POFUT2: variants seen among roughly 807,000 people sequenced by gnomAD.
POFUT2 encodes protein O-fucosyltransferase 2.
POFUT2 carries 30 observed loss-of-function variants against 55.0 expected under a neutral mutation model. The ratio of observed to expected loss-of-function variants is 0.55; its 90% CI spans 0.41 to 0.74. The LOEUF (loss-of-function observed/expected upper bound fraction) is 0.74, where lower values mean the gene tolerates loss of function less well. Among genes scored for constraint, POFUT2 ranks in the 30% least tolerant of loss-of-function variants. The pLI is 0.00. For synonymous variants in POFUT2, 267 were observed against 231.1 expected (o/e 1.16, Z -1.41); for missense variants, 524 against 562.6 (o/e 0.93, Z 0.69).
intron 3 of POFUT2, among the ~76,000 whole-genome samples, chr21:45,283,158 C>T (rs1292766929): frequency 6.7e-6 from 1 of 150,102 alleles, no homozygotes; most frequent in Non-Finnish European, 1.5e-5. Context: ...CATCAGCAAC[C>T]AGCATGGGCA....
Position 45,284,010 on chromosome 21 carries a change from G to A in POFUT2, c.383-483C>T, listed in dbSNP as rs2031085166. The stretch of plus-strand genomic sequence containing the variant: ...CGGGGACAGAGGCTCAGGTGAGCAG[G>A]AGTCGTGCCTCTTACCCACGGCCCG... On this transcript the variant is annotated intron_variant, in intron 2 of 8. Coordinates refer to ENST00000349485, the MANE Select transcript of POFUT2 (RefSeq NM_133635.6). The surrounding 1 kb of genome is among the most constrained non-coding windows in gnomAD (Gnocchi z 5.8). Among the ~76,000 whole-genome samples, 1 of 152,188 alleles carries A rather than the reference G, an allele frequency of 6.6e-6. No individual in the cohort carries two copies. The highest frequency in any genetic ancestry group is 2.4e-5 in the African/African-American group (1 of 41,442).
At position 45,265,386 on chromosome 21, in the gene POFUT2, C is replaced by A. The variant is rs527441350; in HGVS notation, c.*96G>T. Reference sequence around the variant, plus strand: ...CCTGCGAGGGACGGTCCTGTCCGCCCAGCTCCCGGCTGGCAGTAGACGGTG... The same window carrying A: ...CCTGCGAGGGACGGTCCTGTCCGCCAAGCTCCCGGCTGGCAGTAGACGGTG... On this transcript the variant is annotated 3_prime_UTR_variant, in exon 9 of 9. Transcript: ENST00000349485. The surrounding 1 kb of genome is among the most constrained non-coding windows in gnomAD (Gnocchi z 4.6). 4.2e-6 allele frequency: 5 copies of A among 1,183,492 alleles called. No homozygotes were observed. The South Asian group carries it at 7.3e-5, about 17-fold the overall frequency. The allele number at this position is 1,183,492 out of a possible 1,614,324, so 73.3% of individuals were successfully genotyped here.
chr21:45,276,242 G>T (rs1200534822), intron 6 of POFUT2, among the ~76,000 whole-genome samples: 1 of 130,624 alleles, frequency 7.7e-6, no homozygotes, highest in Admixed American at 7.4e-5. Context: ...AAATTAAAAA[G>T]AATAAAAAAA....
At position 45,265,336 on chromosome 21, in the gene POFUT2, G is replaced by A. The variant is rs75274352; in HGVS notation, c.*146C>T. ...GAGGACGGAGCCCAGCTCTAGAGGC[G>A]TGGGGCCTCTTCTGGGCCTGGGACC... On this transcript the variant is annotated 3_prime_UTR_variant, in exon 9 of 9. Coordinates refer to ENST00000349485, the MANE Select transcript of POFUT2 (RefSeq NM_133635.6). This position sits in a 1 kb window ranked among gnomAD's most constrained non-coding sequence, Gnocchi z 4.6. The A allele has an allele frequency of 3.1e-6, 2 of 643,404 alleles. No individual in the cohort carries two copies. Among genetic ancestry groups the A allele is most frequent in the Admixed American group, 3.3e-5 (1 of 30,040 alleles). The allele number at this position is 643,404 out of a possible 1,614,324, so 39.9% of individuals were successfully genotyped here.
rs2031651967 is a variant in POFUT2 at position 45,287,820 on chromosome 21, G to A, written c.52C>T (p.Pro18Ser). 8.0e-6 allele frequency: 12 copies of A among 1,507,526 alleles called. No homozygotes were observed. The highest frequency in any genetic ancestry group is 1.1e-5 in the Non-Finnish European group (12 of 1,124,580). 93.4% of individuals were successfully genotyped at this position (1,507,526 alleles called of 1,614,324 possible). A position where few individuals can be genotyped will look rare whatever the true frequency, so the allele number is the denominator to read the frequency against. Residue 18 changes from proline to serine, a missense_variant, in exon 1 of 9, where the codon CCG becomes TCG. By Grantham distance (74) the Pro-to-Ser change is moderately conservative. Around this residue, in one of 2 missense-constraint regions of POFUT2, gnomAD observed 274 missense variants for 244.4 expected, o/e 1.12. Transcript: ENST00000349485. ...AACTCCTGGCCGGAGGCAGAAGCCG[G>A]AGGCCAGGACACTGCCCCCAGCAGC... ...FLLLGAVSWPPASASGQEFWP... is the reference protein window; with the variant it reads ...FLLLGAVSWPSASASGQEFWP...
intron 6 of POFUT2, among the ~76,000 whole-genome samples, chr21:45,272,052 C>T (rs78623910): frequency 0.016 from 2,397 of 152,224 alleles, 74 homozygotes; most frequent in African/African-American, 0.055. Flanking sequence ...GTACCTCACA[C>T]CTCAATACCA....
chr21:45,287,887 C>G lies in POFUT2; in HGVS notation c.-16G>C. ...GTGTCGCCATGGCCCCGGGCGGCCACGCACTTCCGGCGGCCGCGCCCCGCC... is the reference window on the plus strand; with the variant it reads ...GTGTCGCCATGGCCCCGGGCGGCCAGGCACTTCCGGCGGCCGCGCCCCGCC... On this transcript the variant is annotated 5_prime_UTR_variant, in exon 1 of 9. Coordinates refer to ENST00000349485, the MANE Select transcript of POFUT2 (RefSeq NM_133635.6). 7.6e-7 allele frequency: 1 copy of G among 1,315,092 alleles called. No homozygotes were observed. The highest frequency in any genetic ancestry group is 2.0e-5 in the South Asian group (1 of 50,298). 81.5% of individuals were successfully genotyped at this position (1,315,092 alleles called of 1,614,324 possible).
In POFUT2 at chr21:45,264,347, A is replaced by AAAGGGTAACG. The variant is rs2093135206; in HGVS notation, c.*1125_*1134dup. On this transcript the variant is annotated 3_prime_UTR_variant, in exon 9 of 9. Coordinates refer to ENST00000349485, the MANE Select transcript of POFUT2 (RefSeq NM_133635.6). ...ACACGACACCATGGTGGAAAGTCAC[A>AAAGGGTAACG]AAGGGTAACGGGCCAAGAGGGTGAG... 6.6e-6 allele frequency: 1 copy of AAAGGGTAACG among 152,352 alleles called. No homozygotes were observed. Among genetic ancestry groups the AAAGGGTAACG allele is most frequent in the South Asian group, 2.1e-4 (1 of 4,834 alleles). The allele number at this position is 152,352 out of a possible 1,614,324, so 9.4% of individuals were successfully genotyped here.
chr21:45,279,873 G>A (rs995575518), intron 4 of POFUT2, among the ~76,000 whole-genome samples: 31 of 152,336 alleles, frequency 2.0e-4, no homozygotes, highest in African/African-American at 6.5e-4. Flanking sequence ...ACTGAAAACC[G>A]CATGGAGAGG....
chr21:45,279,624 G>A (rs1474046775), intron 4 of POFUT2, among the ~76,000 whole-genome samples: 2 of 152,160 alleles, frequency 1.3e-5, no homozygotes, highest in Middle Eastern at 3.2e-3. Context: ...GGAACCAGCC[G>A]TGCACGGCCA....
chr21:45,287,661 ACCCCG>A, intron 1 of POFUT2, 75 bp downstream of exon 1: 7 of 234,258 alleles, frequency 3.0e-5, no homozygotes, highest in Admixed American at 8.6e-5. Flanking sequence ...CTGGCCCCTG[ACCCCG>A]CCCCGCCCCC....
chr21:45,268,812 G>A (rs1179051696), intron 7 of POFUT2, among the ~76,000 whole-genome samples: 57 of 144,576 alleles, frequency 3.9e-4, no homozygotes, highest in Non-Finnish European at 7.3e-4. Flanking sequence ...GGAGGGAGGT[G>A]GGGGGGTCAG....
intron 8 of POFUT2, chr21:45,266,404 C>G: frequency 8.3e-7 from 1 of 1,203,050 alleles, no homozygotes; most frequent in Non-Finnish European, 1.1e-6. Context: ...CAGGCCGCGC[C>G]GGCCCGGAGG....
At chr21:45,280,174 C>G (rs968572984) in intron 4 of POFUT2, among the ~76,000 whole-genome samples, 1 of 152,256 alleles carries the variant, frequency 6.6e-6, no homozygotes, top group Non-Finnish European at 1.5e-5. Flanking sequence ...GAAAGCGCTT[C>G]ACACACTTGC....
intron 1 of POFUT2, 61 bp downstream of exon 1, chr21:45,287,680 C>CCACCA: frequency 3.8e-6 from 5 of 1,312,166 alleles, no homozygotes; most frequent in African/African-American, 1.6e-5. Flanking sequence ...CGCCCCCATC[C>CCACCA]CATCCTCTGA....
intron 8 of POFUT2, chr21:45,266,004 T>C (rs113143657): frequency 9.1e-6 from 11 of 1,208,236 alleles, no homozygotes; most frequent in African/African-American, 7.9e-5. Context: ...TGGTGAACAA[T>C]GAGAGATTCC....
rs1310343190 is a variant in POFUT2 at position 45,266,950 on chromosome 21, G to T, written c.1136+640C>A. 3 of 1,022,166 alleles carry T rather than the reference G, an allele frequency of 2.9e-6. No individual in the cohort carries two copies. In the South Asian group the frequency reaches 1.1e-4, roughly 39 times the overall value. 63.3% of individuals were successfully genotyped at this position (1,022,166 alleles called of 1,614,324 possible). A position where few individuals can be genotyped will look rare whatever the true frequency, so the allele number is the denominator to read the frequency against. ...CAGGCAGGTCTTTGGAGGAACAGAG[G>T]CCCAGGCGTACCTCCCACAGCAACC... On this transcript the variant is annotated intron_variant, in intron 8 of 8. Coordinates refer to ENST00000349485, the MANE Select transcript of POFUT2 (RefSeq NM_133635.6).
rs1016664228 is a variant in POFUT2 at position 45,281,125 on chromosome 21, G to A, written c.638+1224C>T. 1.3e-5 allele frequency among the ~76,000 whole-genome samples: 2 copies of A among 151,968 alleles called. No individual in the cohort carries two copies. Among genetic ancestry groups the A allele is most frequent in the African/African-American group, 4.8e-5 (2 of 41,354 alleles). On this transcript the variant is annotated intron_variant, in intron 4 of 8. Coordinates refer to ENST00000349485, the MANE Select transcript of POFUT2 (RefSeq NM_133635.6). This position sits in a 1 kb window ranked among gnomAD's most constrained non-coding sequence, Gnocchi z 5.0. ...GGTGCTGGGGGCAGATGACCTCACC[G>A]CCCATCATCAGCCTCCTTTTCCACT...
chr21:45,277,903 C>T lies in POFUT2; in HGVS notation c.705+200G>A, dbSNP rs1363711062. ...CAGAGGGGAGAGCTGGGTGGCCCTGCGGGCTCCCGAGGACCTGGCTCTGCA... is the reference window on the plus strand; with the variant it reads ...CAGAGGGGAGAGCTGGGTGGCCCTGTGGGCTCCCGAGGACCTGGCTCTGCA... On this transcript the variant is annotated intron_variant, in intron 5 of 8. Coordinates refer to ENST00000349485, the MANE Select transcript of POFUT2 (RefSeq NM_133635.6). This position sits in a 1 kb window ranked among gnomAD's most constrained non-coding sequence, Gnocchi z 6.9. The T allele has an allele frequency of 2.3e-5, 14 of 616,192 alleles. No individual in the cohort carries two copies. The highest frequency in any genetic ancestry group is 7.4e-5 in the African/African-American group (4 of 54,256). The allele number at this position is 616,192 out of a possible 1,614,324, so 38.2% of individuals were successfully genotyped here.
Sources: allele counts gnomAD v4.1 joint callset (sites outside exome capture counted in the v4.1 genomes callset), GRCh38; gene constraint gnomAD v4.1.1; regional missense constraint gnomAD v4.1.1; non-coding constraint Gnocchi (gnomAD v3.1); transcripts MANE v1.5; gene names NCBI Gene and HGNC (gene_info 2026-07-23, HGNC 2026-07-21).